The following SLIT2 variants were observed in gnomAD, a reference collection of about 807,000 sequenced individuals.
SLIT2 encodes the protein slit homolog 2 protein.
SLIT2 carries 41 observed loss-of-function variants against 185.7 expected under a neutral mutation model. The ratio of observed to expected loss-of-function variants is 0.22; its 90% CI spans 0.17 to 0.29. The LOEUF is 0.29. Among genes scored for constraint, SLIT2 ranks in the 10% least tolerant of loss-of-function variants. The pLI, the probability that SLIT2 is intolerant of heterozygous loss-of-function variation, is 1.00. For missense variants in SLIT2, 1,571 were observed against 1,909.0 expected, an observed-to-expected ratio of 0.82 and a Z score of 3.30; for synonymous variants, 693 against 680.2, an observed-to-expected ratio of 1.02 and a Z score of -0.29.
intron 4 of SLIT2, among the ~76,000 whole-genome samples, chr4:20,295,642 T>G (rs1277865319): frequency 2.0e-5 from 3 of 152,188 alleles, no homozygotes; most frequent in Non-Finnish European, 2.9e-5. Context: ...TCCTGAGAAG[T>G]TATTCATCCT....
intron 4 of SLIT2, among the ~76,000 whole-genome samples, chr4:20,287,388 A>C (rs1329006837): frequency 2.0e-5 from 3 of 152,134 alleles, no homozygotes; most frequent in Admixed American, 6.5e-5. Flanking sequence ...AGCAGAGAAT[A>C]TCTCTCTTCC....
chr4:20,586,571 T>C (rs1427727871), intron 29 of SLIT2, among the ~76,000 whole-genome samples: 3 of 152,212 alleles, frequency 2.0e-5, no homozygotes, highest in Non-Finnish European at 4.4e-5. Flanking sequence ...AAACCTTACC[T>C]TATATGCTTG....
At chr4:20,313,043 T>C (rs1036382443) in intron 4 of SLIT2, among the ~76,000 whole-genome samples, 1 of 152,194 alleles carries the variant, frequency 6.6e-6, no homozygotes, top group African/African-American at 2.4e-5. Context: ...GAATTTTGCT[T>C]GTAAACCGTA....
intron 4 of SLIT2, among the ~76,000 whole-genome samples, chr4:20,421,451 T>C (rs1251281804): frequency 1.3e-5 from 2 of 152,198 alleles, no homozygotes; most frequent in African/African-American, 4.8e-5. Flanking sequence ...TTCTTCATTG[T>C]TGATTTCCTG....
intron 29 of SLIT2, among the ~76,000 whole-genome samples, chr4:20,585,375 T>C (rs961188993): frequency 2.6e-5 from 4 of 152,196 alleles, no homozygotes; most frequent in African/African-American, 9.7e-5. Context: ...ATTAATTTGC[T>C]CATCTGATCA....
intron 4 of SLIT2, among the ~76,000 whole-genome samples, chr4:20,297,690 C>A (rs60665463): frequency 0.3 from 45,640 of 151,296 alleles, 7,484 homozygotes; most frequent in East Asian, 0.68. Flanking sequence ...TAAAAAAAAT[C>A]TCATGGGTTT....
chr4:20,524,198 T>C (rs769039872), intron 14 of SLIT2, 21 bp downstream of exon 14: 1 of 1,612,352 alleles, frequency 6.2e-7, no homozygotes, highest in East Asian at 2.2e-5. Context: ...CACGTGTTAT[T>C]TCCCCTGTGA....
chr4:20,256,119 CAG>C (rs1711796391), intron 1 of SLIT2, among the ~76,000 whole-genome samples: 1 of 152,164 alleles, frequency 6.6e-6, no homozygotes, highest in Non-Finnish European at 1.5e-5. Context: ...TTAATACAAA[CAG>C]AATTGTTGGA....
rs1411131139 is a variant in SLIT2, at chr4:20,596,520, G to T, written c.3426G>T (p.Glu1142Asp). 4 of 1,613,976 alleles carry T rather than the reference G, an allele frequency of 2.5e-6. No individual in the cohort carries two copies. The highest frequency in any genetic ancestry group is 1.7e-5 in the Admixed American group (1 of 59,992). Reference sequence around the variant, plus strand: ...CTCAGTGTATCGTCAGAATAAATGAGCCAATATGTCAGTGTTTGCCTGGCT... The same window carrying T: ...CTCAGTGTATCGTCAGAATAAATGATCCAATATGTCAGTGTTTGCCTGGCT... ...NGAQCIVRIN[E>D]PICQCLPGYQ... The change falls in exon 32 of 37, where the codon GAG (glutamate) becomes GAT (aspartate). Residue 1142 changes from glutamate (E) to aspartate (D), a missense_variant. Transcript: ENST00000504154.
At chr4:20,561,938 C>G (rs1440828707) in intron 26 of SLIT2, among the ~76,000 whole-genome samples, 1 of 151,762 alleles carries the variant, frequency 6.6e-6, no homozygotes, top group Non-Finnish European at 1.5e-5. Context: ...CATATTCTCT[C>G]CAATGCAAAG....
At position 20,542,474 on chromosome 4, in the gene SLIT2, G is replaced by A. The variant is rs753441273; in HGVS notation, c.2144-20G>A. 4 of 1,612,208 alleles carry A rather than the reference G, an allele frequency of 2.5e-6. No individual in the cohort carries two copies. Among genetic ancestry groups the A allele is most frequent in the South Asian group, 1.1e-5 (1 of 90,638 alleles). On this transcript the variant is annotated intron_variant, in intron 20 of 36. Coordinates refer to ENST00000504154, the MANE Select transcript of SLIT2 (RefSeq NM_004787.4). ...CAAGACCACAAATCTTGGTTTTCCT[G>A]TATTTCCTCTGCGATTTAGGAAATG...
chr4:20,390,787 T>C (rs61789401), intron 4 of SLIT2, among the ~76,000 whole-genome samples: 9 of 150,824 alleles, frequency 6.0e-5, no homozygotes, highest in East Asian at 1.9e-4. Context: ...AAAATATATA[T>C]ATACTAAGAC....
chr4:20,305,330 A>C (rs1212024501), intron 4 of SLIT2, among the ~76,000 whole-genome samples: 3 of 152,206 alleles, frequency 2.0e-5, no homozygotes, highest in African/African-American at 7.2e-5. Flanking sequence ...GCTAGATCAC[A>C]ACACGTGGGA....
chr4:20,321,613 T>C (rs1719093954), intron 4 of SLIT2, among the ~76,000 whole-genome samples: 1 of 152,148 alleles, frequency 6.6e-6, no homozygotes, highest in Non-Finnish European at 1.5e-5. Flanking sequence ...AGAAGTACTG[T>C]GTAATACTGG....
chr4:20,591,044 A>G (rs998522425), intron 30 of SLIT2, among the ~76,000 whole-genome samples: 6 of 152,242 alleles, frequency 3.9e-5, no homozygotes, highest in Admixed American at 6.5e-5. Flanking sequence ...TCAGACAGCT[A>G]GCAAATAGCA....
chr4:20,384,620 G>A (rs1362051161), intron 4 of SLIT2, among the ~76,000 whole-genome samples: 1 of 152,092 alleles, frequency 6.6e-6, no homozygotes, highest in East Asian at 1.9e-4. Flanking sequence ...GTTGTGGGCT[G>A]CTAAATGGAT....
chr4:20,297,412 G>C (rs915831951), intron 4 of SLIT2, among the ~76,000 whole-genome samples: 9 of 152,146 alleles, frequency 5.9e-5, no homozygotes, highest in African/African-American at 1.7e-4. Flanking sequence ...AATATTCTGA[G>C]GGTTTTCCCC....
chr4:20,379,340 A>T (rs937455820), intron 4 of SLIT2, among the ~76,000 whole-genome samples: 2 of 152,212 alleles, frequency 1.3e-5, no homozygotes, highest in East Asian at 1.9e-4. Flanking sequence ...AACGACATTT[A>T]TTATAACATT....
intron 15 of SLIT2, among the ~76,000 whole-genome samples, chr4:20,527,355 G>A (rs1291286011): frequency 6.6e-6 from 1 of 151,664 alleles, no homozygotes; most frequent in East Asian, 1.9e-4. Flanking sequence ...GCATGATCTC[G>A]GCTCACTGCA....
Sources: gnomAD v4.1 joint callset for allele counts (sites outside exome capture counted in the v4.1 genomes callset) on GRCh38, gnomAD v4.1.1 for gene constraint, MANE v1.5 for transcripts, NCBI Gene and HGNC (gene_info 2026-07-23, HGNC 2026-07-21) for gene names.